Variants in PCDH15 observed in about 807,000 individuals in gnomAD.
The protein encoded by PCDH15 is protocadherin related 15, also known as protocadherin-15.
In PCDH15, 129 loss-of-function variants were observed where a neutral mutation model predicts 178.5. That is an observed-to-expected ratio of 0.72 (90% CI 0.63 to 0.84). The LOEUF (loss-of-function observed/expected upper bound fraction) is 0.84. Ranked by LOEUF, PCDH15 falls within the 40% of genes least tolerant of loss-of-function variation. PCDH15 has a pLI of 0.00. For synonymous variants in PCDH15, 800 were observed against 732.0 expected (o/e 1.09, Z -1.50); for missense variants, 2,230 against 2,099.9 (o/e 1.06, Z -1.21).
chr10:54,009,665 GCAAGA>G (rs977757092), intron 20 of PCDH15, among the ~76,000 whole-genome samples: 57 of 152,286 alleles, frequency 3.7e-4, no homozygotes, highest in African/African-American at 1.3e-3. Context: ...ACAGAGGAGA[GCAAGA>G]CAAGACAACT....
At position 54,429,292 on chromosome 10, in the gene PCDH15, T is replaced by C. The variant is rs543020632; in HGVS notation, c.158-50350A>G. ...TGAAATAATGGTTTGTAAGATAATA[T>C]TTGCAAGCATTGTGGTAACCTCAAA... On this transcript the variant is annotated intron_variant, in intron 3 of 37. Transcript: ENST00000644397. Among the ~76,000 whole-genome samples the C allele has an allele frequency of 5.9e-5, 9 of 152,164 alleles. No individual in the cohort carries two copies. The South Asian group carries it at 1.7e-3, about 28-fold the overall frequency.
chr10:54,619,002 C>G (rs2093273939), intron 2 of PCDH15: 1 of 151,982 alleles, frequency 6.6e-6, no homozygotes, highest in African/African-American at 2.4e-5. Context: ...TTTAAAATTT[C>G]AGTTCATGAT....
At chr10:55,330,836 TTA>T (rs929582221) in intron 2 of PCDH15, among the ~76,000 whole-genome samples, 1 of 83,032 alleles carries the variant, frequency 1.2e-5, no homozygotes, top group African/African-American at 4.9e-5. Flanking sequence ...ATAGATTTAT[TTA>T]TGTGTGTGTG....
chr10:53,820,069 T>A (rs926006048), intron 33 of PCDH15, 96 bp downstream of exon 33: 38 of 395,162 alleles, frequency 9.6e-5, no homozygotes, highest in Non-Finnish European at 1.6e-4. Flanking sequence ...TATAGATTTA[T>A]CAAGAAATTA....
At chr10:53,983,080 C>T (rs570391692) in intron 21 of PCDH15, among the ~76,000 whole-genome samples, 1 of 151,978 alleles carries the variant, frequency 6.6e-6, no homozygotes. Context: ...TTTACCCCGA[C>T]ATGGTTTCCA....
Position 54,346,558 on chromosome 10 carries a change from AT to A in PCDH15, c.475-75del. 2.6e-6 allele frequency: 4 copies of A among 1,568,328 alleles called. No homozygotes were observed. In the Admixed American group the frequency reaches 5.0e-5, roughly 20 times the overall value. Reference sequence around the variant, plus strand: ...ACACCAGAAATGTTACAGCATAAAAATCAGCTCTTTATTACCTAAAGGAAGA... The same window carrying A: ...ACACCAGAAATGTTACAGCATAAAAACAGCTCTTTATTACCTAAAGGAAGA... On this transcript the variant is annotated intron_variant, in intron 5 of 37. Transcript: ENST00000644397.
chr10:53,977,905 C>A (rs1194341114), intron 21 of PCDH15, among the ~76,000 whole-genome samples: 1 of 152,172 alleles, frequency 6.6e-6, no homozygotes, highest in Non-Finnish European at 1.5e-5. Flanking sequence ...CCCAAATGAT[C>A]TTCTTTCACT....
chr10:55,055,586 T>A (rs1841277128), intron 2 of PCDH15, among the ~76,000 whole-genome samples: 1 of 152,176 alleles, frequency 6.6e-6, no homozygotes, highest in South Asian at 2.1e-4. Context: ...GTGGATACCT[T>A]GAGTCCAGGA....
intron 13 of PCDH15, among the ~76,000 whole-genome samples, chr10:54,170,846 G>A (rs1352148202): frequency 4.6e-5 from 7 of 151,778 alleles, no homozygotes; most frequent in African/African-American, 7.3e-5. Context: ...CCTTTCCATC[G>A]TGGAAATCTA....
intron 17 of PCDH15, among the ~76,000 whole-genome samples, chr10:54,068,175 A>G (rs1043873653): frequency 1.8e-4 from 28 of 152,050 alleles, no homozygotes; most frequent in African/African-American, 6.5e-4. Flanking sequence ...AAAAGCAAAT[A>G]CTTTTTTTAG....
chr10:54,258,055 G>A (rs575749018), intron 8 of PCDH15, among the ~76,000 whole-genome samples: 1 of 151,976 alleles, frequency 6.6e-6, no homozygotes, highest in African/African-American at 2.4e-5. Context: ...TAATTAATTG[G>A]TACATTCAAA....
At chr10:54,460,766 T>C (rs2077116600) in intron 3 of PCDH15, among the ~76,000 whole-genome samples, 1 of 152,006 alleles carries the variant, frequency 6.6e-6, no homozygotes, top group Non-Finnish European at 1.5e-5. Flanking sequence ...GAGAATAATA[T>C]ATTTTATCGA....
At chr10:54,670,072 T>C (rs560556579) in intron 1 of PCDH15, among the ~76,000 whole-genome samples, 32 of 152,002 alleles carry the variant, frequency 2.1e-4, no homozygotes, top group Non-Finnish European at 3.2e-4. Flanking sequence ...AAAAAGAAAA[T>C]GTTAATTTGC....
At chr10:54,441,405 T>C (rs2075782455) in intron 3 of PCDH15, among the ~76,000 whole-genome samples, 1 of 151,938 alleles carries the variant, frequency 6.6e-6, no homozygotes, top group African/African-American at 2.4e-5. Context: ...ACAATGAGAA[T>C]GTCCATGAGT....
At chr10:54,246,940 C>T (rs114375280) in intron 8 of PCDH15, among the ~76,000 whole-genome samples, 3 of 151,998 alleles carry the variant, frequency 2.0e-5, no homozygotes, top group African/African-American at 4.8e-5. Context: ...TGATCTTGGA[C>T]ATTTGTAAAG....
intron 1 of PCDH15, among the ~76,000 whole-genome samples, chr10:54,791,373 T>C (rs1048551619): frequency 6.6e-6 from 1 of 151,918 alleles, no homozygotes; most frequent in Non-Finnish European, 1.5e-5. Context: ...ATTCACTCAA[T>C]GGGTCACTGA....
chr10:53,865,122 C>G (rs2079361281), intron 27 of PCDH15, among the ~76,000 whole-genome samples: 1 of 151,996 alleles, frequency 6.6e-6, no homozygotes, highest in Non-Finnish European at 1.5e-5. Flanking sequence ...AACAACGATA[C>G]TAATTATAGA....
chr10:55,184,766 T>C (rs1476137878), intron 1 of PCDH15, among the ~76,000 whole-genome samples: 1 of 151,968 alleles, frequency 6.6e-6, no homozygotes, highest in East Asian at 1.9e-4. Flanking sequence ...AAATTAAACT[T>C]GATCTTTTTT....
chr10:55,523,236 A>G (rs1339520737), intron 2 of PCDH15, among the ~76,000 whole-genome samples: 1 of 151,474 alleles, frequency 6.6e-6, no homozygotes, highest in East Asian at 1.9e-4. Flanking sequence ...AACTTCCACA[A>G]GGAGTTTATT....
Sources: allele counts gnomAD v4.1 joint callset (sites outside exome capture counted in the v4.1 genomes callset), GRCh38; gene constraint gnomAD v4.1.1; transcripts MANE v1.5; gene names NCBI Gene and HGNC (gene_info 2026-07-23, HGNC 2026-07-21).